Variants in CCDC88A observed in about 807,000 individuals in gnomAD.
The protein encoded by CCDC88A is girdin.
Under a neutral mutation model 234.3 loss-of-function variants are expected in CCDC88A, and 54 were observed. The ratio of observed to expected loss-of-function variants is 0.23; its 90% CI spans 0.19 to 0.29. The LOEUF is 0.29. Among genes scored for constraint, CCDC88A ranks in the 10% least tolerant of loss-of-function variants. CCDC88A has a pLI of 1.00. For missense variants in CCDC88A, 1,832 were observed against 2,123.4 expected (o/e 0.86, Z 2.70); for synonymous variants, 753 against 737.8 (o/e 1.02, Z -0.33).
chr2:55,384,524 T>C (rs1404977283), intron 3 of CCDC88A, among the ~76,000 whole-genome samples: 4 of 30,500 alleles, frequency 1.3e-4, no homozygotes, highest in Admixed American at 5.4e-4. Flanking sequence ...ATAAATTATA[T>C]ATATATACAT....
intron 2 of CCDC88A, among the ~76,000 whole-genome samples, chr2:55,406,550 T>C (rs1003825710): frequency 1.3e-5 from 2 of 152,038 alleles, no homozygotes; most frequent in Non-Finnish European, 2.9e-5. Flanking sequence ...GGTGAAGAGT[T>C]TGAGAGCAGC....
chr2:55,413,516 A>G (rs1051429654), intron 2 of CCDC88A, among the ~76,000 whole-genome samples: 4 of 152,220 alleles, frequency 2.6e-5, no homozygotes, highest in African/African-American at 9.6e-5. Flanking sequence ...TCTATCTGAC[A>G]TAAGGCTCAA....
At position 55,301,003 on chromosome 2, in the gene CCDC88A, CAG is replaced by C. The variant is rs1680832644; in HGVS notation, c.4744+201_4744+202del. 1.6e-5 allele frequency: 8 copies of C among 506,032 alleles called. No homozygotes were observed. In the South Asian group the frequency reaches 2.0e-4, roughly 13 times the overall value. The allele number at this position is 506,032 out of a possible 1,614,324, so 31.3% of individuals were successfully genotyped here. A position where few individuals can be genotyped will look rare whatever the true frequency, so the allele number is the denominator to read the frequency against. On this transcript the variant is annotated intron_variant, in intron 28 of 32. Transcript: ENST00000436346. ...ACTTTATAAATGACCTTGGCTAAAA[CAG>C]AGAACATTTAGATGAAGCAATTATC...
rs980144261 is a variant in CCDC88A, at chr2:55,303,232, T to C, written c.4388-80A>G. On this transcript the variant is annotated intron_variant, in intron 25 of 32. Coordinates refer to ENST00000436346, the MANE Select transcript of CCDC88A (RefSeq NM_001365480.1). ...GAGAAGAACAGATGGGAGTTAAATGTTGAAATTAAGGACAGAAATGAATGT... is the reference window on the plus strand; with the variant it reads ...GAGAAGAACAGATGGGAGTTAAATGCTGAAATTAAGGACAGAAATGAATGT... 9.5e-6 allele frequency: 8 copies of C among 839,348 alleles called. No homozygotes were observed. In the Admixed American group the frequency reaches 1.6e-4, roughly 17 times the overall value. 52.0% of individuals were successfully genotyped at this position (839,348 alleles called of 1,614,324 possible). A position where few individuals can be genotyped will look rare whatever the true frequency, so the allele number is the denominator to read the frequency against.
chr2:55,355,976 T>C, intron 7 of CCDC88A: 1 of 332,424 alleles, frequency 3.0e-6, no homozygotes, highest in South Asian at 9.1e-5. Context: ...GCTTTTCCCT[T>C]CCTAGTTTTT....
intron 18 of CCDC88A, among the ~76,000 whole-genome samples, chr2:55,321,359 T>C (rs1683611766): frequency 6.6e-6 from 1 of 152,074 alleles, no homozygotes. Flanking sequence ...GAGACCATCC[T>C]GACAAGCATG....
intron 2 of CCDC88A, among the ~76,000 whole-genome samples, chr2:55,410,991 C>T (rs1193225482): frequency 2.0e-5 from 3 of 151,940 alleles, no homozygotes; most frequent in African/African-American, 4.8e-5. Flanking sequence ...TTTCCAGTTT[C>T]AATAACTAGC....
chr2:55,365,266 C>G (rs554019150), intron 5 of CCDC88A, among the ~76,000 whole-genome samples: 4 of 152,156 alleles, frequency 2.6e-5, no homozygotes, highest in Admixed American at 6.5e-5. Context: ...GCAAATAATA[C>G]TTGACAGGCC....
intron 2 of CCDC88A, among the ~76,000 whole-genome samples, chr2:55,407,837 C>T (rs951562813): frequency 1.3e-5 from 2 of 150,816 alleles, no homozygotes; most frequent in African/African-American, 4.9e-5. Context: ...CCTGCCTCTG[C>T]CTCCCGTGTA....
chr2:55,401,250 C>G (rs961491477), intron 2 of CCDC88A, among the ~76,000 whole-genome samples: 4 of 150,868 alleles, frequency 2.7e-5, no homozygotes, highest in Non-Finnish European at 5.9e-5. Flanking sequence ...TACAACACAG[C>G]AAGACTCCTT....
Position 55,362,317 on chromosome 2 carries a change from T to C in CCDC88A, c.618A>G (p.Glu206=). 1.3e-6 allele frequency: 2 copies of C among 1,579,672 alleles called. No individual in the cohort carries two copies. Among genetic ancestry groups the C allele is most frequent in the South Asian group, 2.4e-5 (2 of 84,230 alleles). The stretch of plus-strand genomic sequence containing the variant: ...AAAGAATTTTACAAACCTCTGAATG[T>C]TCATCTCTCTCATCTATAAGTCTTT... ...HLKRLIDERD[E]HSETIIELSE... is the part of the protein sequence containing the mutation. Residue 206 remains glutamate (E), a synonymous_variant, in exon 7 of 33, where the codon GAA becomes GAG. Coordinates refer to ENST00000436346, the MANE Select transcript of CCDC88A (RefSeq NM_001365480.1).
intron 28 of CCDC88A, chr2:55,300,629 G>C (rs1313717405): frequency 6.5e-6 from 1 of 152,750 alleles, no homozygotes; most frequent in Non-Finnish European, 1.5e-5. Context: ...TCCTGCCTCA[G>C]CCTCCCAAGT....
In CCDC88A at chr2:55,296,349, C is replaced by T. The variant is rs147103619; in HGVS notation, c.5000G>A (p.Arg1667Gln). ...GGAACCAGTTTTGATCTTGTGATGTCGACTCTCCAGTGTTTCAGATATTTT... is the reference window on the plus strand; with the variant it reads ...GGAACCAGTTTTGATCTTGTGATGTTGACTCTCCAGTGTTTCAGATATTTT... ...QHKISETLES[R>Q]HHKIKTGSPG... Residue 1667 changes from arginine (R) to glutamine (Q), a missense_variant, in exon 30 of 33, where the codon CGA (arginine) becomes CAA (glutamine). Around this residue, in one of 6 missense-constraint regions of CCDC88A, gnomAD observed 422 missense variants for 416.5 expected, o/e 1.01. Transcript: ENST00000436346. The T allele has an allele frequency of 5.2e-5, 84 of 1,613,968 alleles. 1 individual carries two copies. The African/African-American group carries it at 5.7e-4, about 11-fold the overall frequency.
chr2:55,332,589 A>G lies in CCDC88A; in HGVS notation c.2832T>C (p.His944=). The part of the protein sequence containing the change: ...KIGLNKERLL[H]DEQSTDDSRY... The stretch of plus-strand genomic sequence containing the variant: ...ACCTGTCATCAGTACTTTGTTCATC[A>G]TGTAAGAGTCGCTCCTTATTTAACC... The change falls in exon 16 of 33, where the codon CAT becomes CAC. Residue 944 remains histidine (H), a synonymous_variant. Coordinates refer to ENST00000436346, the MANE Select transcript of CCDC88A (RefSeq NM_001365480.1). The surrounding 1 kb of genome is among the most constrained non-coding windows in gnomAD (Gnocchi z 4.5). The G allele has an allele frequency of 6.2e-7, 1 of 1,613,376 alleles. No homozygotes were observed. The highest frequency in any genetic ancestry group is 1.3e-5 in the African/African-American group (1 of 74,920).
intron 3 of CCDC88A, among the ~76,000 whole-genome samples, chr2:55,387,173 T>A (rs1368496608): frequency 5.7e-5 from 3 of 52,816 alleles, no homozygotes; most frequent in East Asian, 4.0e-4. Context: ...TGAGATTCCA[T>A]CTCAAAAAAA....
chr2:55,350,307 G>A (rs1202783295), intron 8 of CCDC88A: 1 of 152,172 alleles, frequency 6.6e-6, no homozygotes, highest in Middle Eastern at 3.2e-3. Flanking sequence ...ATGGCTGAAA[G>A]GAAATTACAT....
chr2:55,322,732 A>G, intron 17 of CCDC88A, 40 bp from the exon 18 acceptor site: 2 of 1,107,302 alleles, frequency 1.8e-6, no homozygotes, highest in Non-Finnish European at 2.6e-6. Flanking sequence ...GGAGAAAAAA[A>G]TCACCACAGT....
At position 55,334,095 on chromosome 2, in the gene CCDC88A, T is replaced by A; in HGVS notation, c.2726A>T (p.Glu909Val). The A allele has an allele frequency of 8.0e-7, 1 of 1,245,960 alleles. No individual in the cohort carries two copies. The highest frequency in any genetic ancestry group is 1.0e-6 in the Non-Finnish European group (1 of 961,856). 77.2% of individuals were successfully genotyped at this position (1,245,960 alleles called of 1,614,324 possible). A position where few individuals can be genotyped will look rare whatever the true frequency, so the allele number is the denominator to read the frequency against. Reference sequence around the variant, plus strand: ...CTTAATTTAGGTAAACATATTTACCTCACGTAGTGTAACCAACGTTTTTAT... The same window carrying A: ...CTTAATTTAGGTAAACATATTTACCACACGTAGTGTAACCAACGTTTTTAT... ...IDIKTLVTLR[E>V]DLVSEKLKTQ... The change falls in exon 15 of 33, where the codon GAG (glutamate) becomes GTG (valine). Residue 909 changes from glutamate to valine, a missense_variant and splice_region_variant. Physicochemically the swap from Glu to Val is moderately radical, Grantham distance 121. Transcript: ENST00000436346. The surrounding 1 kb of genome is among the most constrained non-coding windows in gnomAD (Gnocchi z 6.1).
At chr2:55,298,861 G>A (rs556637714) in intron 29 of CCDC88A, among the ~76,000 whole-genome samples, 56 of 128,992 alleles carry the variant, frequency 4.3e-4, no homozygotes, top group African/African-American at 1.6e-3. Context: ...GTGACACAGC[G>A]AGAACCCGTC....
Sources: allele counts gnomAD v4.1 joint callset (sites outside exome capture counted in the v4.1 genomes callset), GRCh38; gene constraint gnomAD v4.1.1; regional missense constraint gnomAD v4.1.1; non-coding constraint Gnocchi (gnomAD v3.1); transcripts MANE v1.5; gene names NCBI Gene and HGNC (gene_info 2026-07-23, HGNC 2026-07-21).